SLC25A46: variants seen among roughly 807,000 people sequenced by gnomAD.
SLC25A46 encodes the protein mitochondrial outer membrane protein SLC25A46.
Under a neutral mutation model 44.6 loss-of-function variants are expected in SLC25A46, and 39 were observed. That is an observed-to-expected ratio of 0.87 (90% CI 0.68 to 1.14). The LOEUF (loss-of-function observed/expected upper bound fraction) is 1.14, where lower values mean the gene tolerates loss of function less well. Ranked by LOEUF, SLC25A46 falls within the 50% of genes most tolerant of loss-of-function variation. The pLI is 0.00. For synonymous variants in SLC25A46, 202 were observed against 185.8 expected (o/e 1.09, Z -0.71); for missense variants, 547 against 522.7 (o/e 1.05, Z -0.45).
intron 7 of SLC25A46, among the ~76,000 whole-genome samples, chr5:110,760,935 C>T (rs1800232763): frequency 6.6e-6 from 1 of 152,046 alleles, no homozygotes; most frequent in South Asian, 2.1e-4. Context: ...CATGTGAGTT[C>T]TAAGAAGTTT....
chr5:110,755,198 A>G (rs769915697), intron 5 of SLC25A46: 26 of 238,782 alleles, frequency 1.1e-4, no homozygotes, highest in Non-Finnish European at 1.9e-4. Flanking sequence ...TTAATTTCTC[A>G]TGTTTACTTT....
Position 110,762,153 on chromosome 5 carries a change from AGATT to A in SLC25A46, c.*375_*378del, listed in dbSNP as rs1800270881. ...TTGCCAAACGTTTATTTTACCTCCT[AGATT>A]GATGTTGGTATAGTATCCTTAATAC... On this transcript the variant is annotated 3_prime_UTR_variant, in exon 8 of 8. Transcript: ENST00000355943. The A allele has an allele frequency of 4.4e-5, 9 of 204,484 alleles. No individual in the cohort carries two copies. Among genetic ancestry groups the A allele is most frequent in the Non-Finnish European group, 9.0e-5 (9 of 100,434 alleles). The allele number at this position is 204,484 out of a possible 1,614,324, so 12.7% of individuals were successfully genotyped here. A position where few individuals can be genotyped will look rare whatever the true frequency, so the allele number is the denominator to read the frequency against.
chr5:110,749,252 T>A (rs1674294247), intron 5 of SLC25A46, among the ~76,000 whole-genome samples: 1 of 151,720 alleles, frequency 6.6e-6, no homozygotes, highest in Admixed American at 6.6e-5. Flanking sequence ...TATCTTTCAA[T>A]AAATGAAGTT....
Position 110,765,009 on chromosome 5 carries a change from T to C in SLC25A46, c.*3227T>C, listed in dbSNP as rs1800354586. ...CAAGTTGTATAGCAGAGTAACAAAATCATGATTTGACAATGAAATTTACAT... is the reference window on the plus strand; with the variant it reads ...CAAGTTGTATAGCAGAGTAACAAAACCATGATTTGACAATGAAATTTACAT... On this transcript the variant is annotated 3_prime_UTR_variant, in exon 8 of 8. Transcript: ENST00000355943. 6.6e-6 allele frequency: 1 copy of C among 151,836 alleles called. No homozygotes were observed. Among genetic ancestry groups the C allele is most frequent in the South Asian group, 2.1e-4 (1 of 4,828 alleles). 9.4% of individuals were successfully genotyped at this position (151,836 alleles called of 1,614,324 possible).
chr5:110,750,917 GA>G (rs1402205914), intron 5 of SLC25A46, among the ~76,000 whole-genome samples: 1 of 151,896 alleles, frequency 6.6e-6, no homozygotes, highest in East Asian at 1.9e-4. Flanking sequence ...CTACAGGGAA[GA>G]AAAAAGAAAA....
Position 110,739,069 on chromosome 5 carries a change from C to T in SLC25A46, c.-51C>T. 1.3e-6 allele frequency: 2 copies of T among 1,530,046 alleles called. No individual in the cohort carries two copies. The highest frequency in any genetic ancestry group is 1.2e-5 in the South Asian group (1 of 83,212). The allele number at this position is 1,530,046 out of a possible 1,614,324, so 94.8% of individuals were successfully genotyped here. On this transcript the variant is annotated 5_prime_UTR_variant, in exon 1 of 8. Transcript: ENST00000355943. ...CTGTGTGTGCTTAGGTCGTGGTGGCCCCGGTGGTGGTGGGCTCCGGGCGGG... is the reference window on the plus strand; with the variant it reads ...CTGTGTGTGCTTAGGTCGTGGTGGCTCCGGTGGTGGTGGGCTCCGGGCGGG...
chr5:110,760,942 G>A (rs548255806), intron 7 of SLC25A46, among the ~76,000 whole-genome samples: 1 of 152,074 alleles, frequency 6.6e-6, no homozygotes, highest in African/African-American at 2.4e-5. Context: ...GTTCTAAGAA[G>A]TTTCTTGAGA....
intron 2 of SLC25A46, among the ~76,000 whole-genome samples, chr5:110,743,236 A>T (rs72773195): frequency 6.6e-6 from 1 of 152,022 alleles, no homozygotes; most frequent in East Asian, 1.9e-4. Context: ...TAAGAATCTT[A>T]TAATTTAAGA....
chr5:110,759,487 A>G (rs1490003121), intron 7 of SLC25A46, among the ~76,000 whole-genome samples: 1 of 152,096 alleles, frequency 6.6e-6, no homozygotes, highest in African/African-American at 2.4e-5. Flanking sequence ...CAAATGTTGA[A>G]TTGTATTTAG....
chr5:110,745,925 A>G (rs1252881710), intron 3 of SLC25A46: 1 of 168,954 alleles, frequency 5.9e-6, no homozygotes, highest in Admixed American at 6.4e-5. Flanking sequence ...GTCAGTTGCC[A>G]AGTACAGTTT....
rs1561595689 is a variant in SLC25A46 at position 110,739,169 on chromosome 5, G to A, written c.50G>A (p.Gly17Asp). Residue 17 changes from glycine (G) to aspartate (D), a missense_variant, in exon 1 of 8, where the codon GGT (glycine) becomes GAT (aspartate). By Grantham distance (94) the Gly-to-Asp change is moderately conservative. Coordinates refer to ENST00000355943, the MANE Select transcript of SLC25A46 (RefSeq NM_138773.4). ...DGFDGLGYRG[G>D]ARDEQGFGGA... ...TTTGATGGCTTGGGCTACCGGGGTG[G>A]TGCCCGGGACGAGCAGGGCTTTGGC... is the stretch of plus-strand genomic sequence containing the variant. 6.4e-7 allele frequency: 1 copy of A among 1,550,544 alleles called. No homozygotes were observed. The highest frequency in any genetic ancestry group is 1.2e-5 in the South Asian group (1 of 84,068).
At position 110,739,417 on chromosome 5, in the gene SLC25A46, G is replaced by T. The variant is rs1202780424; in HGVS notation, c.283+15G>T. 2 of 1,536,078 alleles carry T rather than the reference G, an allele frequency of 1.3e-6. No individual in the cohort carries two copies. The highest frequency in any genetic ancestry group is 1.2e-5 in the South Asian group (1 of 83,850). On this transcript the variant is annotated intron_variant, in intron 1 of 7. Transcript: ENST00000355943. Reference sequence around the variant, plus strand: ...GCAGAGCAGTGGTGAGAAGCATGGGGACCGACACAGGGATGAGGGGTTACT... The same window carrying T: ...GCAGAGCAGTGGTGAGAAGCATGGGTACCGACACAGGGATGAGGGGTTACT...
At position 110,764,826 on chromosome 5, in the gene SLC25A46, A is replaced by G. The variant is rs1800349334; in HGVS notation, c.*3044A>G. ...TGCAAAATTTATATAAGCAAATAAG[A>G]TCTCTTGGTAACAATTGACATTGCA... is the stretch of plus-strand genomic sequence containing the variant. On this transcript the variant is annotated 3_prime_UTR_variant, in exon 8 of 8. Transcript: ENST00000355943. The G allele has an allele frequency of 6.6e-6, 1 of 152,004 alleles. No homozygotes were observed. Among genetic ancestry groups the G allele is most frequent in the Admixed American group, 6.6e-5 (1 of 15,218 alleles). 9.4% of individuals were successfully genotyped at this position (152,004 alleles called of 1,614,324 possible).
intron 5 of SLC25A46, among the ~76,000 whole-genome samples, chr5:110,752,650 C>T (rs1349046273): frequency 6.6e-6 from 1 of 152,096 alleles, no homozygotes; most frequent in African/African-American, 2.4e-5. Context: ...CAATAGATTT[C>T]CTTTCTGATT....
intron 3 of SLC25A46, among the ~76,000 whole-genome samples, chr5:110,744,464 T>C (rs1799766794): frequency 6.6e-6 from 1 of 152,252 alleles, no homozygotes; most frequent in South Asian, 2.1e-4. Flanking sequence ...TAATTGTGCA[T>C]AAGTTATTTG....
intron 5 of SLC25A46, 77 bp from the exon 6 acceptor site, chr5:110,755,388 T>C: frequency 1.2e-6 from 1 of 868,458 alleles, no homozygotes; most frequent in Non-Finnish European, 1.8e-6. Flanking sequence ...TTGATTACTG[T>C]TTTGAAAATT....
At chr5:110,758,342 A>C (rs555251738) in intron 7 of SLC25A46, among the ~76,000 whole-genome samples, 1 of 152,212 alleles carries the variant, frequency 6.6e-6, no homozygotes, top group East Asian at 1.9e-4. Context: ...AAACAATCTC[A>C]TCTGTCCCTC....
chr5:110,742,845 T>C (rs1799724278), intron 2 of SLC25A46, among the ~76,000 whole-genome samples: 1 of 152,088 alleles, frequency 6.6e-6, no homozygotes, highest in African/African-American at 2.4e-5. Flanking sequence ...GAAAATCCTT[T>C]AGTCTTGATT....
chr5:110,756,913 T>C (rs1163029747), intron 7 of SLC25A46, 154 bp downstream of exon 7: 2 of 443,090 alleles, frequency 4.5e-6, no homozygotes, highest in Non-Finnish European at 7.9e-6. Context: ...GCACGTTGCT[T>C]GTCTGTATAT....
Sources: allele counts gnomAD v4.1 joint callset (sites outside exome capture counted in the v4.1 genomes callset), GRCh38; gene constraint gnomAD v4.1.1; transcripts MANE v1.5; gene names NCBI Gene and HGNC (gene_info 2026-07-23, HGNC 2026-07-21).